The following NFATC1 variants were observed in gnomAD, a reference collection of about 807,000 sequenced individuals.
The protein encoded by NFATC1 is nuclear factor of activated T cells 1, also known as nuclear factor of activated T-cells, cytoplasmic 1.
NFATC1 carries 22 observed loss-of-function variants against 76.0 expected under a neutral mutation model. The ratio of observed to expected loss-of-function variants is 0.29; its 90% CI spans 0.21 to 0.41. NFATC1 has a LOEUF of 0.41. NFATC1 is among the 10% of genes least tolerant of loss of function. The pLI, the probability that NFATC1 is intolerant of heterozygous loss-of-function variation, is 1.00. For synonymous variants in NFATC1, 704 were observed against 613.1 expected, an observed-to-expected ratio of 1.15 and a Z score of -2.19; for missense variants, 1,357 against 1,337.7, an observed-to-expected ratio of 1.01 and a Z score of -0.23.
At chr18:79,469,420 T>C in intron 8 of NFATC1, 1 of 985,478 alleles carries the variant, frequency 1.0e-6, no homozygotes, top group Non-Finnish European at 1.2e-6. Context: ...GTGCCTGCCC[T>C]TCACAGGTGG....
chr18:79,413,321 G>A (rs1363998348), intron 2 of NFATC1, among the ~76,000 whole-genome samples: 1 of 152,240 alleles, frequency 6.6e-6, no homozygotes, highest in Admixed American at 6.5e-5. Context: ...CAGACGGGTG[G>A]CCTTCATAGC....
At chr18:79,422,530 G>A (rs1238483186) in intron 2 of NFATC1, 1 of 152,270 alleles carries the variant, frequency 6.6e-6, no homozygotes, top group East Asian at 1.9e-4. Context: ...GCCACGAGAA[G>A]ATGCAGCGGC....
chr18:79,522,678 G>A (rs988469912), intron 9 of NFATC1, among the ~76,000 whole-genome samples: 1 of 152,108 alleles, frequency 6.6e-6, no homozygotes, highest in African/African-American at 2.4e-5. Context: ...TGAGCACCCT[G>A]CAGGTGAAAC....
chr18:79,494,239 G>A (rs1457469772), intron 9 of NFATC1, among the ~76,000 whole-genome samples: 1 of 148,724 alleles, frequency 6.7e-6, no homozygotes, highest in African/African-American at 2.5e-5. Flanking sequence ...GTGGCCGGGG[G>A]AAGGCGAGAG....
Position 79,486,481 on chromosome 18 carries a change from T to A in NFATC1, c.2326T>A (p.Tyr776Asn). Residue 776 changes from tyrosine (Y) to asparagine (N), a missense_variant, in exon 9 of 10, where the codon TAC becomes AAC. Transcript: ENST00000427363. ...PKLHDLSPAA[Y>N]TKGVASPGHC... Reference sequence around the variant, plus strand: ...GCTCCACGACCTTTCTCCCGCTGCCTACACCAAGGGCGTTGCCAGCCCGGG... The same window carrying A: ...GCTCCACGACCTTTCTCCCGCTGCCAACACCAAGGGCGTTGCCAGCCCGGG... 6.2e-7 allele frequency: 1 copy of A among 1,608,230 alleles called. No individual in the cohort carries two copies. Among genetic ancestry groups the A allele is most frequent in the Non-Finnish European group, 8.5e-7 (1 of 1,179,702 alleles).
chr18:79,397,644 T>A (rs563629270), intron 1 of NFATC1, among the ~76,000 whole-genome samples: 192 of 152,046 alleles, frequency 1.3e-3, no homozygotes, highest in South Asian at 5.8e-3. Flanking sequence ...GTTTAAAAAA[T>A]TTTTTTTTGT....
At chr18:79,475,419 G>A (rs1268004936) in intron 8 of NFATC1, among the ~76,000 whole-genome samples, 1 of 116,444 alleles carries the variant, frequency 8.6e-6, no homozygotes, top group Non-Finnish European at 2.0e-5. Context: ...CGTCGACGTT[G>A]TAAACCCGAG....
chr18:79,436,043 G>A (rs1301424471), intron 3 of NFATC1, among the ~76,000 whole-genome samples: 1 of 152,230 alleles, frequency 6.6e-6, no homozygotes, highest in Non-Finnish European at 1.5e-5. Flanking sequence ...TTCTCTTTCA[G>A]TTGGTGGACC....
At chr18:79,497,614 C>G (rs745502585) in intron 9 of NFATC1, 1 of 152,040 alleles carries the variant, frequency 6.6e-6, no homozygotes, top group African/African-American at 2.4e-5. Context: ...ACCCCGGGGA[C>G]TTTGAAAAAC....
chr18:79,501,024 G>C (rs557265973), intron 9 of NFATC1, among the ~76,000 whole-genome samples: 1 of 150,434 alleles, frequency 6.6e-6, no homozygotes. Flanking sequence ...CAAAAGTATC[G>C]TAAGAAAAAC....
chr18:79,432,637 G>T (rs1475111697), intron 2 of NFATC1, among the ~76,000 whole-genome samples: 2 of 152,230 alleles, frequency 1.3e-5, no homozygotes, highest in Non-Finnish European at 2.9e-5. Context: ...TCTGATGGCA[G>T]AGGCGCCGGC....
Position 79,396,287 on chromosome 18 carries a change from C to T in NFATC1, c.63C>T (p.Phe21=), listed in dbSNP as rs866240475. Residue 21 remains phenylalanine, a synonymous_variant, in exon 1 of 10, where the codon TTC becomes TTT. Coordinates refer to ENST00000427363, the MANE Select transcript of NFATC1 (RefSeq NM_001278669.2). ...CACTTGGCCCTGCGGCTGCGGTCTT[C>T]GGGAGAGGAGAAACTTTGGGGCCCG... The part of the protein sequence containing the change: ...KFPLGPAAAV[F]GRGETLGPAP... The T allele has an allele frequency of 6.9e-7, 1 of 1,457,326 alleles. No individual in the cohort carries two copies. The allele number at this position is 1,457,326 out of a possible 1,614,324, so 90.3% of individuals were successfully genotyped here. A position where few individuals can be genotyped will look rare whatever the true frequency, so the allele number is the denominator to read the frequency against.
chr18:79,430,684 T>C (rs2086561006), intron 2 of NFATC1, among the ~76,000 whole-genome samples: 1 of 152,118 alleles, frequency 6.6e-6, no homozygotes. Context: ...CGCCCGGCCA[T>C]GAATTTTGTT....
At chr18:79,509,184 G>A (rs531368142) in intron 9 of NFATC1, among the ~76,000 whole-genome samples, 16 of 152,332 alleles carry the variant, frequency 1.1e-4, no homozygotes, top group African/African-American at 3.8e-4. Flanking sequence ...CAGTGGCGTG[G>A]CCCGTGTCCT....
At chr18:79,450,342 A>C (rs2087412861) in intron 4 of NFATC1, among the ~76,000 whole-genome samples, 1 of 151,646 alleles carries the variant, frequency 6.6e-6, no homozygotes, top group Admixed American at 6.6e-5. Flanking sequence ...TTTACACACA[A>C]AAAATGAGGG....
chr18:79,428,559 G>A (rs544833786), intron 2 of NFATC1, among the ~76,000 whole-genome samples: 5 of 152,354 alleles, frequency 3.3e-5, no homozygotes, highest in East Asian at 3.9e-4. Flanking sequence ...CGTTGCCAGC[G>A]TTTACAACAA....
At chr18:79,471,905 C>T (rs1041416728) in intron 8 of NFATC1, among the ~76,000 whole-genome samples, 5 of 152,216 alleles carry the variant, frequency 3.3e-5, no homozygotes, top group African/African-American at 1.2e-4. Context: ...AGACGCGCTT[C>T]CCTCCCCCGG....
rs113900029 is a variant in NFATC1 at position 79,513,941 on chromosome 18, G to A, written c.2783-13587G>A. Among the ~76,000 whole-genome samples the A allele has an allele frequency of 9.8e-5, 15 of 152,310 alleles. No individual in the cohort carries two copies. In the Middle Eastern group the frequency reaches 0.01, roughly 104 times the overall value. On this transcript the variant is annotated intron_variant, in intron 9 of 9. Coordinates refer to ENST00000427363, the MANE Select transcript of NFATC1 (RefSeq NM_001278669.2). ...CTAGCCTCTGTCCCTTCTCGGGGACGTGTCCCCACCTGAGCTGGCCGCTCA... is the reference window on the plus strand; with the variant it reads ...CTAGCCTCTGTCCCTTCTCGGGGACATGTCCCCACCTGAGCTGGCCGCTCA...
chr18:79,402,740 G>A (rs2085310111), intron 1 of NFATC1, among the ~76,000 whole-genome samples: 1 of 152,196 alleles, frequency 6.6e-6, no homozygotes, highest in Non-Finnish European at 1.5e-5. Flanking sequence ...GTGTTTTCCC[G>A]TGAGACACCG....
Sources: allele counts gnomAD v4.1 joint callset (sites outside exome capture counted in the v4.1 genomes callset), GRCh38; gene constraint gnomAD v4.1.1; transcripts MANE v1.5; gene names NCBI Gene and HGNC (gene_info 2026-07-23, HGNC 2026-07-21).